The following RARB variants were observed in gnomAD, a reference collection of about 807,000 sequenced individuals.
RARB encodes retinoic acid receptor beta, also known as HBV-activated protein.
RARB carries 17 observed loss-of-function variants against 51.9 expected under a neutral mutation model. That is an observed-to-expected ratio of 0.33 (90% CI 0.22 to 0.49). The LOEUF (loss-of-function observed/expected upper bound fraction) is 0.49, where lower values mean the gene tolerates loss of function less well. Among genes scored for constraint, RARB ranks in the 20% least tolerant of loss-of-function variants. The probability of loss-of-function intolerance (pLI) is 0.99; values close to 1 mark genes in which losing one functional copy is unlikely to be tolerated. For missense variants in RARB, 369 were observed against 550.8 expected (o/e 0.67, Z 3.30); for synonymous variants, 215 against 195.4 (o/e 1.10, Z -0.84).
At chr3:25,287,917 A>G (rs921873949) in intron 5 of RARB, among the ~76,000 whole-genome samples, 1 of 152,150 alleles carries the variant, frequency 6.6e-6, no homozygotes, top group African/African-American at 2.4e-5. Context: ...CAGACGCTCT[A>G]TGTAAGATCA....
chr3:25,480,905 G>C (rs1262877628), intron 2 of RARB, among the ~76,000 whole-genome samples: 1 of 152,100 alleles, frequency 6.6e-6, no homozygotes, highest in Non-Finnish European at 1.5e-5. Context: ...CTTGTCAAAG[G>C]ATCGATTAAT....
intron 2 of RARB, among the ~76,000 whole-genome samples, chr3:24,950,439 G>C (rs573324974): frequency 2.0e-5 from 3 of 152,316 alleles, no homozygotes; most frequent in Non-Finnish European, 2.9e-5. Flanking sequence ...CATGAGACCT[G>C]ATTTTCATGC....
At chr3:25,186,167 T>G (rs1700970012) in intron 5 of RARB, among the ~76,000 whole-genome samples, 1 of 152,038 alleles carries the variant, frequency 6.6e-6, no homozygotes, top group African/African-American at 2.4e-5. Flanking sequence ...ACAAAAGATT[T>G]TATTTCACTA....
intron 5 of RARB, among the ~76,000 whole-genome samples, chr3:25,296,569 CTTAG>C (rs943896376): frequency 6.6e-6 from 1 of 151,998 alleles, no homozygotes; most frequent in African/African-American, 2.4e-5. Context: ...TTCAAAAATT[CTTAG>C]TTTAATTATT....
intron 3 of RARB, among the ~76,000 whole-genome samples, chr3:25,091,374 C>T (rs1699196412): frequency 6.6e-6 from 1 of 152,122 alleles, no homozygotes; most frequent in Admixed American, 6.6e-5. Context: ...CAAGCTACTG[C>T]CCTCTTTCCG....
intron 2 of RARB, among the ~76,000 whole-genome samples, chr3:24,864,300 C>T (rs1053596888): frequency 2.0e-5 from 3 of 152,240 alleles, no homozygotes; most frequent in African/African-American, 2.4e-5. Flanking sequence ...TTTATCTTAT[C>T]GACCTGGTTC....
At chr3:25,316,152 C>T (rs1300415619) in intron 5 of RARB, among the ~76,000 whole-genome samples, 2 of 152,048 alleles carry the variant, frequency 1.3e-5, no homozygotes, top group Non-Finnish European at 2.9e-5. Context: ...TTTTATGAGG[C>T]ACCTTGTTAA....
At chr3:25,520,823 C>G (rs775808833) in intron 3 of RARB, among the ~76,000 whole-genome samples, 7 of 152,174 alleles carry the variant, frequency 4.6e-5, no homozygotes, top group Non-Finnish European at 1.0e-4. Flanking sequence ...TTCACTGAAG[C>G]CTTTAATAAA....
At chr3:25,411,012 G>A (rs1488629632) in intron 5 of RARB, among the ~76,000 whole-genome samples, 1 of 152,200 alleles carries the variant, frequency 6.6e-6, no homozygotes, top group African/African-American at 2.4e-5. Context: ...CTTTAAATCA[G>A]TGGATTCCTG....
At position 25,212,700 on chromosome 3, in the gene RARB, A is replaced by G. The variant is rs549781405; in HGVS notation, c.178+38125A>G. ...GTGTCCCTAAATCTTTATATCACCTATCAAATTATCTCTCCATCTGATGCT... is the reference window on the plus strand; with the variant it reads ...GTGTCCCTAAATCTTTATATCACCTGTCAAATTATCTCTCCATCTGATGCT... On this transcript the variant is annotated intron_variant, in intron 5 of 11. Coordinates refer to the RARB transcript ENST00000383772. Among the ~76,000 whole-genome samples the G allele has an allele frequency of 3.3e-5, 5 of 152,302 alleles. No homozygotes were observed. In the South Asian group the frequency reaches 8.3e-4, roughly 25 times the overall value.
chr3:25,247,915 A>C (rs922272203), intron 5 of RARB, among the ~76,000 whole-genome samples: 1 of 152,240 alleles, frequency 6.6e-6, no homozygotes, highest in African/African-American at 2.4e-5. Context: ...AGTGCAGTTT[A>C]AATCTAGTAT....
At chr3:25,510,042 T>C (rs1697810417) in intron 3 of RARB, among the ~76,000 whole-genome samples, 2 of 152,138 alleles carry the variant, frequency 1.3e-5, no homozygotes, top group Admixed American at 1.3e-4. Context: ...GGTGCTGTGG[T>C]AGTTCATGGT....
rs577813069 is a variant in RARB at position 24,990,573 on chromosome 3, C to T, written c.-379-69552C>T. Among the ~76,000 whole-genome samples, 2 of 108,274 alleles carry T rather than the reference C, an allele frequency of 1.8e-5. 1 individual carries two copies. Among genetic ancestry groups the T allele is most frequent in the Non-Finnish European group, 3.7e-5 (2 of 53,492 alleles). 71.0% of individuals were successfully genotyped at this position (108,274 alleles called of 152,430 possible). A position where few individuals can be genotyped will look rare whatever the true frequency, so the allele number is the denominator to read the frequency against. On this transcript the variant is annotated intron_variant, in intron 2 of 11. Coordinates refer to the RARB transcript ENST00000383772. The stretch of plus-strand genomic sequence containing the variant: ...GATTTGTTCTTTTTTGCATTTCTCT[C>T]ATAAGCCAAGCTTAAATGAATACAT...
intron 5 of RARB, among the ~76,000 whole-genome samples, chr3:25,198,919 C>A (rs930793451): frequency 2.0e-5 from 3 of 152,102 alleles, no homozygotes; most frequent in Admixed American, 1.3e-4. Context: ...ACCATATGAT[C>A]CAGCAATCCC....
At chr3:25,108,400 A>G (rs775206175) in intron 3 of RARB, among the ~76,000 whole-genome samples, 18 of 152,218 alleles carry the variant, frequency 1.2e-4, no homozygotes, top group Admixed American at 2.6e-4. Flanking sequence ...TGATTCAGCT[A>G]TCCGGGCTTT....
chr3:24,965,035 C>T (rs1054978880), intron 2 of RARB, among the ~76,000 whole-genome samples: 1 of 152,112 alleles, frequency 6.6e-6, no homozygotes, highest in South Asian at 2.1e-4. Context: ...AGAACTGGAA[C>T]TAAATTCTAG....
At chr3:25,507,757 CA>C (rs1697684123) in intron 3 of RARB, among the ~76,000 whole-genome samples, 1 of 152,072 alleles carries the variant, frequency 6.6e-6, no homozygotes, top group Admixed American at 6.6e-5. Flanking sequence ...GTCAGGAGGT[CA>C]GAAGGAAAAT....
chr3:24,993,098 C>T (rs768018707), intron 2 of RARB, among the ~76,000 whole-genome samples: 4 of 151,836 alleles, frequency 2.6e-5, no homozygotes, highest in Non-Finnish European at 4.4e-5. Context: ...TGGATATTTC[C>T]AGTTAAATAT....
At chr3:25,161,649 A>G (rs533263076) in intron 4 of RARB, among the ~76,000 whole-genome samples, 2 of 152,030 alleles carry the variant, frequency 1.3e-5, no homozygotes, top group Admixed American at 6.5e-5. Context: ...CTCTTCCACC[A>G]TTTTGCCTTC....
Sources: allele counts gnomAD v4.1 joint callset (sites outside exome capture counted in the v4.1 genomes callset), GRCh38; gene constraint gnomAD v4.1.1; transcripts MANE v1.5; gene names NCBI Gene and HGNC (gene_info 2026-07-23, HGNC 2026-07-21).